Variants in MYO18B observed in about 807,000 individuals in gnomAD.
MYO18B encodes the protein unconventional myosin-XVIIIb.
In MYO18B, 204 loss-of-function variants were observed where a neutral mutation model predicts 273.0. That is an observed-to-expected ratio of 0.75 (90% CI 0.67 to 0.84). MYO18B has a LOEUF of 0.84. Among genes scored for constraint, MYO18B ranks in the 40% least tolerant of loss-of-function variants. MYO18B has a pLI of 0.00. For missense variants in MYO18B, 3,212 were observed against 3,287.6 expected (o/e 0.98, Z 0.56); for synonymous variants, 1,330 against 1,305.7 (o/e 1.02, Z -0.40).
chr22:25,802,582 T>C (rs1266615107), intron 12 of MYO18B, among the ~76,000 whole-genome samples: 2 of 151,402 alleles, frequency 1.3e-5, no homozygotes, highest in Non-Finnish European at 2.9e-5. Flanking sequence ...ACCTCATCTC[T>C]ACTAAAAAAA....
chr22:26,033,970 T>C (rs1936727379), downstream of MYO18B, among the ~76,000 whole-genome samples: 1 of 151,850 alleles, frequency 6.6e-6, no homozygotes, highest in Admixed American at 6.6e-5. Context: ...TTTTCTTTTT[T>C]TGGATGGGGT....
At position 25,890,783 on chromosome 22, in the gene MYO18B, G is replaced by A. The variant is rs202224239; in HGVS notation, c.4342G>A (p.Asp1448Asn). The A allele has an allele frequency of 4.8e-4, 778 of 1,613,798 alleles. 3 individuals are homozygous for A. The highest frequency in any genetic ancestry group is 1.1e-3 in the South Asian group (101 of 91,074). Reference protein sequence around the residue: ...KIADLTSDLADERFKGDVACQ... With the variant: ...KIADLTSDLANERFKGDVACQ... The stretch of plus-strand genomic sequence containing the variant: ...TGCTGACTTGACCTCTGACCTTGCC[G>A]ATGAGCGCTTCAAAGGTGATGTGGC... The change falls in exon 26 of 44, where the codon GAT becomes AAT. Residue 1448 changes from aspartate (D) to asparagine (N), a missense_variant. Physicochemically the swap from Asp to Asn is conservative, Grantham distance 23. Transcript: ENST00000335473.
chr22:25,876,439 G>A (rs1174997715), intron 24 of MYO18B, 107 bp downstream of exon 24: 1 of 1,274,168 alleles, frequency 7.8e-7, no homozygotes. Flanking sequence ...TCTTGATCTA[G>A]GAATGCTCAG....
At chr22:25,958,353 C>A (rs1403767265) in intron 39 of MYO18B, among the ~76,000 whole-genome samples, 2 of 152,148 alleles carry the variant, frequency 1.3e-5, no homozygotes, top group Non-Finnish European at 2.9e-5. Flanking sequence ...TCCAGTACAT[C>A]CTGTCGTTTC....
At chr22:25,815,577 G>A (rs1311172241) in intron 12 of MYO18B, among the ~76,000 whole-genome samples, 1 of 152,194 alleles carries the variant, frequency 6.6e-6, no homozygotes, top group African/African-American at 2.4e-5. Context: ...CTTGCAGCCA[G>A]GTTGAAATTA....
At chr22:25,789,913 G>A (rs1022237824) in intron 11 of MYO18B, among the ~76,000 whole-genome samples, 2 of 152,212 alleles carry the variant, frequency 1.3e-5, no homozygotes, top group Non-Finnish European at 1.5e-5. Context: ...AGCACTTTGG[G>A]AGGCCAAGGC....
At chr22:25,939,838 C>T (rs1211964582) in intron 34 of MYO18B, among the ~76,000 whole-genome samples, 1 of 152,176 alleles carries the variant, frequency 6.6e-6, no homozygotes, top group Non-Finnish European at 1.5e-5. Context: ...CCAGCTCTGC[C>T]ATTTAGTACT....
At chr22:25,957,297 C>T (rs553621831) in intron 39 of MYO18B, among the ~76,000 whole-genome samples, 24 of 152,256 alleles carry the variant, frequency 1.6e-4, no homozygotes, top group African/African-American at 5.8e-4. Flanking sequence ...TCTCTCTTTC[C>T]TCTCCCTGTC....
At chr22:25,914,886 A>T (rs1372239076) in intron 33 of MYO18B, among the ~76,000 whole-genome samples, 2 of 150,204 alleles carry the variant, frequency 1.3e-5, no homozygotes, top group African/African-American at 2.5e-5. Context: ...TTTCATAGAG[A>T]TGGGGTTTCA....
At chr22:25,989,033 A>G (rs2093232419) in intron 39 of MYO18B, among the ~76,000 whole-genome samples, 1 of 152,054 alleles carries the variant, frequency 6.6e-6, no homozygotes, top group African/African-American at 2.4e-5. Flanking sequence ...CATCCCTGAG[A>G]CACTGTGCCT....
At chr22:25,747,711 A>G (rs1185873602) in intron 1 of MYO18B, among the ~76,000 whole-genome samples, 2 of 152,212 alleles carry the variant, frequency 1.3e-5, no homozygotes, top group Admixed American at 6.5e-5. Flanking sequence ...TCAGCCACTG[A>G]TATGCAAAGC....
intron 38 of MYO18B, among the ~76,000 whole-genome samples, chr22:25,954,963 G>A (rs564305139): frequency 1.3e-5 from 2 of 152,320 alleles, no homozygotes; most frequent in African/African-American, 4.8e-5. Flanking sequence ...ACATGCCTCG[G>A]CCTCCCAAAG....
At chr22:25,934,976 G>T (rs763096563) in intron 34 of MYO18B, among the ~76,000 whole-genome samples, 1 of 151,908 alleles carries the variant, frequency 6.6e-6, no homozygotes, top group Non-Finnish European at 1.5e-5. Context: ...GCTCGTGTGG[G>T]TGTGTGCACA....
chr22:25,956,408 G>C (rs950930344), intron 39 of MYO18B, among the ~76,000 whole-genome samples: 12 of 152,226 alleles, frequency 7.9e-5, no homozygotes, highest in African/African-American at 2.9e-4. Context: ...TAGAGACAGG[G>C]TTTCACTTTG....
intron 12 of MYO18B, among the ~76,000 whole-genome samples, chr22:25,812,605 T>C (rs536114673): frequency 1.3e-5 from 2 of 152,208 alleles, no homozygotes; most frequent in Non-Finnish European, 2.9e-5. Context: ...CCTGGGTGGC[T>C]TCTCTGTGCA....
Position 25,895,119 on chromosome 22 carries a change from G to T in MYO18B, c.4544-37G>T, listed in dbSNP as rs373519424. 3 of 1,601,802 alleles carry T rather than the reference G, an allele frequency of 1.9e-6. No individual in the cohort carries two copies. In the African/African-American group the frequency reaches 4.0e-5, roughly 21 times the overall value. On this transcript the variant is annotated intron_variant, in intron 27 of 43. Transcript: ENST00000335473. ...TCACACTCTTGCCTTACACTCATTT[G>T]GCCTCTTATCCTGGTCTCCCTGACT...
At chr22:25,766,835 A>T (rs994946964) in intron 3 of MYO18B, among the ~76,000 whole-genome samples, 1 of 152,250 alleles carries the variant, frequency 6.6e-6, no homozygotes, top group African/African-American at 2.4e-5. Context: ...GTGGGCAGCT[A>T]CCCAAATCTT....
chr22:25,866,784 CAAAAAAAA>C (rs56260207), intron 21 of MYO18B, among the ~76,000 whole-genome samples: 12 of 40,188 alleles, frequency 3.0e-4, no homozygotes, highest in Non-Finnish European at 5.7e-4. Flanking sequence ...GACTCCGTCT[CAAAAAAAA>C]AAAAAAAAAA....
At chr22:26,060,665 A>G in the MYO18B span, among the ~76,000 whole-genome samples, 1 of 152,200 alleles carries the variant, frequency 6.6e-6, no homozygotes, top group African/African-American at 2.4e-5. Flanking sequence ...ATTTATACAT[A>G]CGCACACATG....
Sources: allele counts gnomAD v4.1 joint callset (sites outside exome capture counted in the v4.1 genomes callset), GRCh38; gene constraint gnomAD v4.1.1; transcripts MANE v1.5; gene names NCBI Gene and HGNC (gene_info 2026-07-23, HGNC 2026-07-21).